Variants in CCDC13 observed in about 807,000 individuals in gnomAD.
CCDC13 encodes the protein coiled-coil domain-containing protein 13.
CCDC13 carries 70 observed loss-of-function variants against 87.3 expected under a neutral mutation model. That is an observed-to-expected ratio of 0.80 (90% CI 0.66 to 0.98). The LOEUF (loss-of-function observed/expected upper bound fraction) is 0.98. Ranked by LOEUF, CCDC13 falls within the 50% of genes least tolerant of loss-of-function variation. The pLI is 0.00. For synonymous variants in CCDC13, 317 were observed against 360.3 expected, an observed-to-expected ratio of 0.88 and a Z score of 1.36; for missense variants, 842 against 892.0, an observed-to-expected ratio of 0.94 and a Z score of 0.71.
intron 10 of CCDC13, among the ~76,000 whole-genome samples, chr3:42,734,106 C>A (rs1177267622): frequency 1.3e-5 from 2 of 152,156 alleles, no homozygotes; most frequent in Non-Finnish European, 2.9e-5. Context: ...CCCCACCCCT[C>A]CCTCAACCCC....
chr3:42,766,368 A>G (rs1699932617), intron 1 of CCDC13, among the ~76,000 whole-genome samples: 1 of 151,842 alleles, frequency 6.6e-6, no homozygotes, highest in Admixed American at 6.6e-5. Context: ...GAGAGAGGGA[A>G]GGAGAGGGAA....
intron 10 of CCDC13, among the ~76,000 whole-genome samples, chr3:42,733,897 AGGTCAGAGACTGAC>A (rs1698912707): frequency 6.6e-6 from 1 of 152,230 alleles, no homozygotes; most frequent in Admixed American, 6.5e-5. Context: ...CATGCGGGGC[AGGTCAGAGACTGAC>A]GTCTCTGAGT....
intron 11 of CCDC13, 102 bp from the exon 12 acceptor site, chr3:42,733,072 A>G (rs919689208): frequency 1.1e-6 from 1 of 923,006 alleles, no homozygotes; most frequent in African/African-American, 1.7e-5. Flanking sequence ...GCAGGGGTCC[A>G]GGAAACCCTT....
intron 14 of CCDC13, among the ~76,000 whole-genome samples, chr3:42,711,220 T>C (rs1032080997): frequency 8.0e-6 from 1 of 124,936 alleles, no homozygotes; most frequent in African/African-American, 3.2e-5. Context: ...CATTCCAGCC[T>C]GAGGGACAGA....
At chr3:42,720,461 T>C (rs1170809793) in intron 13 of CCDC13, among the ~76,000 whole-genome samples, 4 of 152,230 alleles carry the variant, frequency 2.6e-5, no homozygotes, top group Non-Finnish European at 5.9e-5. Context: ...GGCTCCATAC[T>C]AGTACATAAT....
intron 1 of CCDC13, 25 bp from the exon 2 acceptor site, chr3:42,758,376 G>A: frequency 6.2e-7 from 1 of 1,606,668 alleles, no homozygotes; most frequent in South Asian, 1.1e-5. Context: ...TGAAGCCTCA[G>A]CTGAAGCAAA....
rs1036748055 is a variant in CCDC13, at chr3:42,708,402, T to C, written c.*578A>G. Reference sequence around the variant, plus strand: ...GGAGCTGCAGTGATTATGAAAATACTTATTATTATTACAAGTCCAAGGGTC... The same window carrying C: ...GGAGCTGCAGTGATTATGAAAATACCTATTATTATTACAAGTCCAAGGGTC... On this transcript the variant is annotated 3_prime_UTR_variant, in exon 16 of 16. Coordinates refer to ENST00000310232, the MANE Select transcript of CCDC13 (RefSeq NM_144719.4). 2 of 152,198 alleles carry C rather than the reference T, an allele frequency of 1.3e-5. No individual in the cohort carries two copies. Among genetic ancestry groups the C allele is most frequent in the Non-Finnish European group, 2.9e-5 (2 of 68,070 alleles). 9.4% of individuals were successfully genotyped at this position (152,198 alleles called of 1,614,324 possible). A position where few individuals can be genotyped will look rare whatever the true frequency, so the allele number is the denominator to read the frequency against.
intron 2 of CCDC13, 54 bp downstream of exon 2, chr3:42,758,071 A>G (rs1348599006): frequency 1.5e-6 from 2 of 1,336,726 alleles, no homozygotes; most frequent in African/African-American, 3.1e-5. Flanking sequence ...GTACACACAC[A>G]CACACACACA....
At chr3:42,758,572 T>C (rs1305617906) in intron 1 of CCDC13, among the ~76,000 whole-genome samples, 3 of 152,176 alleles carry the variant, frequency 2.0e-5, no homozygotes, top group South Asian at 4.1e-4. Flanking sequence ...AGATTGCACA[T>C]GGCATCAGAA....
chr3:42,762,685 T>C (rs1262417829), intron 1 of CCDC13, among the ~76,000 whole-genome samples: 2 of 152,242 alleles, frequency 1.3e-5, no homozygotes, highest in African/African-American at 4.8e-5. Flanking sequence ...TCTCCTGGAC[T>C]CTGCCCTATG....
chr3:42,710,675 A>G (rs1326134300), intron 14 of CCDC13, among the ~76,000 whole-genome samples: 1 of 152,128 alleles, frequency 6.6e-6, no homozygotes, highest in African/African-American at 2.4e-5. Flanking sequence ...TCTACTAAAA[A>G]TACATAAAAA....
chr3:42,771,840 A>AT (rs1700121203), intron 1 of CCDC13, among the ~76,000 whole-genome samples: 1 of 152,240 alleles, frequency 6.6e-6, no homozygotes, highest in African/African-American at 2.4e-5. Context: ...GTATAGTTGT[A>AT]TCAATGATAA....
At chr3:42,711,246 C>CAAAAAAAAAAAAAAAAAAAAA (rs1174084143) in intron 14 of CCDC13, among the ~76,000 whole-genome samples, 4 of 75,328 alleles carry the variant, frequency 5.3e-5, no homozygotes, top group African/African-American at 1.7e-4. Flanking sequence ...ACTCTGTCTC[C>CAAAAAAAAAAAAAAAAAAAAA]AAAAAAAAAA....
At chr3:42,730,356 AC>A in intron 13 of CCDC13, 110 bp downstream of exon 13, 3 of 1,458,646 alleles carry the variant, frequency 2.1e-6, no homozygotes, top group Non-Finnish European at 2.8e-6. Context: ...CCCTGGACCA[AC>A]ACTGGGAGCC....
chr3:42,762,894 A>C (rs1338592187), intron 1 of CCDC13, among the ~76,000 whole-genome samples: 1 of 152,152 alleles, frequency 6.6e-6, no homozygotes, highest in Non-Finnish European at 1.5e-5. Context: ...GACTACAATG[A>C]GCTGTGATCG....
intron 9 of CCDC13, among the ~76,000 whole-genome samples, chr3:42,736,484 T>C (rs774270645): frequency 2.6e-5 from 4 of 152,164 alleles, no homozygotes; most frequent in South Asian, 2.1e-4. Flanking sequence ...TGCTGGTGAA[T>C]AGCATGACTG....
chr3:42,750,346 A>T (rs1216275356), intron 5 of CCDC13, among the ~76,000 whole-genome samples: 2 of 152,078 alleles, frequency 1.3e-5, no homozygotes, highest in East Asian at 3.9e-4. Context: ...CTCCCCTGTG[A>T]GCTTAGAGCA....
At chr3:42,724,891 A>G (rs962439385) in intron 13 of CCDC13, among the ~76,000 whole-genome samples, 16 of 152,334 alleles carry the variant, frequency 1.1e-4, no homozygotes, top group African/African-American at 3.8e-4. Context: ...AATTTAGCAT[A>G]ATGACACAAA....
rs527761651 is a variant in CCDC13, at chr3:42,739,636, T to G, written c.1162A>C (p.Met388Leu). 1 of 1,613,492 alleles carries G rather than the reference T, an allele frequency of 6.2e-7. No individual in the cohort carries two copies. Among genetic ancestry groups the G allele is most frequent in the Non-Finnish European group, 8.5e-7 (1 of 1,179,708 alleles). The part of the protein sequence containing the change: ...RHDDELIDAL[M>L]DQLKQLQEIL... ...CTGCCTGAGTGGTGGGGCCATACCA[T>G]GAGGGCGTCGATGAGCTCGTCATCA... Residue 388 changes from methionine (M) to leucine (L), a missense_variant and splice_region_variant, in exon 9 of 16, where the codon ATG (methionine) becomes CTG (leucine). Met to Leu is a conservative substitution (Grantham distance 15). Coordinates refer to ENST00000310232, the MANE Select transcript of CCDC13 (RefSeq NM_144719.4).
Sources: gnomAD v4.1 joint callset for allele counts (sites outside exome capture counted in the v4.1 genomes callset) on GRCh38, gnomAD v4.1.1 for gene constraint, MANE v1.5 for transcripts, NCBI Gene and HGNC (gene_info 2026-07-23, HGNC 2026-07-21) for gene names.